Variants in SRBD1 observed in about 807,000 individuals in gnomAD.
SRBD1 encodes the protein S1 RNA binding domain 1.
Under a neutral mutation model 115.3 loss-of-function variants are expected in SRBD1, and 88 were observed. The observed-to-expected ratio is 0.76, with a 90% confidence interval of 0.64 to 0.91. The LOEUF is 0.91. Among genes scored for constraint, SRBD1 ranks in the 40% least tolerant of loss-of-function variants. The pLI is 0.00. For synonymous variants in SRBD1, 509 were observed against 407.7 expected (o/e 1.25, Z -2.99); for missense variants, 1,385 against 1,177.4 (o/e 1.18, Z -2.58).
At chr2:45,501,861 G>T (rs974638891) in intron 14 of SRBD1, among the ~76,000 whole-genome samples, 5 of 152,180 alleles carry the variant, frequency 3.3e-5, no homozygotes, top group Non-Finnish European at 7.4e-5. Flanking sequence ...CCACCTCTGG[G>T]GGCAGGGCAC....
chr2:45,485,206 C>A (rs1670081160), intron 15 of SRBD1, among the ~76,000 whole-genome samples: 1 of 152,166 alleles, frequency 6.6e-6, no homozygotes, highest in African/African-American at 2.4e-5. Flanking sequence ...CACCATACTT[C>A]CAAAGTACTT....
At chr2:45,513,132 G>T (rs1331825625) in intron 14 of SRBD1, among the ~76,000 whole-genome samples, 3 of 152,000 alleles carry the variant, frequency 2.0e-5, no homozygotes, top group Non-Finnish European at 4.4e-5. Context: ...TTCCTTCCTG[G>T]CCCTAACAAT....
intron 16 of SRBD1, among the ~76,000 whole-genome samples, chr2:45,443,166 T>C (rs1668721624): frequency 6.6e-6 from 1 of 152,080 alleles, no homozygotes; most frequent in Non-Finnish European, 1.5e-5. Flanking sequence ...AGAAAATGGA[T>C]TTTAAAAAGA....
intron 16 of SRBD1, among the ~76,000 whole-genome samples, chr2:45,450,189 T>C (rs1035711504): frequency 6.6e-6 from 1 of 152,220 alleles, no homozygotes; most frequent in East Asian, 1.9e-4. Context: ...ATTTGAAAAA[T>C]TAAAGATTAT....
chr2:45,579,785 G>C, intron 7 of SRBD1, 90 bp downstream of exon 7: 2 of 1,379,262 alleles, frequency 1.5e-6, no homozygotes, highest in South Asian at 1.8e-5. Context: ...TGTATAATCA[G>C]TACTTAACAA....
At chr2:45,549,271 C>T (rs1036038964) in intron 12 of SRBD1, among the ~76,000 whole-genome samples, 3 of 143,612 alleles carry the variant, frequency 2.1e-5, no homozygotes, top group Non-Finnish European at 4.6e-5. Flanking sequence ...ATTCCAGAAA[C>T]TATAAACTAT....
intron 20 of SRBD1, among the ~76,000 whole-genome samples, chr2:45,391,032 G>C (rs1047844889): frequency 1.3e-5 from 2 of 152,184 alleles, no homozygotes; most frequent in African/African-American, 4.8e-5. Flanking sequence ...GGGTCTCCGA[G>C]ACCCCATAGG....
chr2:45,408,326 T>C (rs2216506), intron 19 of SRBD1, among the ~76,000 whole-genome samples: 121,492 of 152,148 alleles, frequency 0.8, 49,292 homozygotes, highest in African/African-American at 0.92. Context: ...ATGGGGATGG[T>C]AAGATAAATT....
chr2:45,457,823 C>G (rs1256627253), intron 16 of SRBD1, among the ~76,000 whole-genome samples: 1 of 151,818 alleles, frequency 6.6e-6, no homozygotes, highest in Non-Finnish European at 1.5e-5. Context: ...TTTTCAAGGA[C>G]TTATGCTTTT....
At position 45,562,257 on chromosome 2, in the gene SRBD1, T is replaced by C. The variant is rs538079597; in HGVS notation, c.1409+396A>G. Among the ~76,000 whole-genome samples the C allele has an allele frequency of 1.4e-4, 22 of 152,326 alleles. 1 individual carries two copies. Among genetic ancestry groups the C allele is most frequent in the African/African-American group, 4.6e-4 (19 of 41,566 alleles). Reference sequence around the variant, plus strand: ...TTGTTTGTTTTCTTGAGATGGAGTCTTGCTCTGTCGCCCAGGCTGGAGTGC... The same window carrying C: ...TTGTTTGTTTTCTTGAGATGGAGTCCTGCTCTGTCGCCCAGGCTGGAGTGC... On this transcript the variant is annotated intron_variant, in intron 10 of 20. Coordinates refer to ENST00000263736, the MANE Select transcript of SRBD1 (RefSeq NM_018079.5).
chr2:45,495,602 T>C (rs1670432703), intron 14 of SRBD1, among the ~76,000 whole-genome samples: 1 of 151,994 alleles, frequency 6.6e-6, no homozygotes, highest in Non-Finnish European at 1.5e-5. Context: ...TATTTAATGG[T>C]ACCACTAAGG....
At chr2:45,596,010 A>G (rs943107653) in intron 4 of SRBD1, among the ~76,000 whole-genome samples, 2 of 152,200 alleles carry the variant, frequency 1.3e-5, no homozygotes, top group Non-Finnish European at 2.9e-5. Context: ...AGAGGAAAAA[A>G]AAATTGCTTG....
intron 5 of SRBD1, 108 bp from the exon 6 acceptor site, chr2:45,581,918 T>C (rs1229082272): frequency 2.5e-6 from 2 of 804,608 alleles, no homozygotes; most frequent in Non-Finnish European, 4.2e-6. Context: ...AGGAACTTTA[T>C]TGTCTCTGAA....
At chr2:45,457,460 G>A (rs1669189035) in intron 16 of SRBD1, among the ~76,000 whole-genome samples, 1 of 151,918 alleles carries the variant, frequency 6.6e-6, no homozygotes, top group African/African-American at 2.4e-5. Flanking sequence ...CTGTGCATAT[G>A]AAAATATTCA....
chr2:45,585,612 G>A lies in SRBD1; in HGVS notation c.811C>T (p.Leu271=). The A allele has an allele frequency of 6.2e-7, 1 of 1,607,534 alleles. No individual in the cohort carries two copies. The highest frequency in any genetic ancestry group is 1.3e-5 in the African/African-American group (1 of 74,454). Residue 271 remains leucine (L), a synonymous_variant, in exon 5 of 21, where the codon CTA becomes TTA. Coordinates refer to ENST00000263736, the MANE Select transcript of SRBD1 (RefSeq NM_018079.5). ...LREVQQTLEE[L]RAVAKKVHST... ...ATTCTTTTTTAGGTTTCTTACCGTAGCTCTTCTAGGGTTTGCTGAACTTCT... is the reference window on the plus strand; with the variant it reads ...ATTCTTTTTTAGGTTTCTTACCGTAACTCTTCTAGGGTTTGCTGAACTTCT...
chr2:45,391,067 T>C (rs1666984310), intron 20 of SRBD1, among the ~76,000 whole-genome samples: 1 of 152,202 alleles, frequency 6.6e-6, no homozygotes, highest in African/African-American at 2.4e-5. Flanking sequence ...TTGGAAATTC[T>C]TTCTCTCTCT....
chr2:45,520,747 G>A (rs1671258028), intron 14 of SRBD1, among the ~76,000 whole-genome samples: 1 of 152,128 alleles, frequency 6.6e-6, no homozygotes, highest in South Asian at 2.1e-4. Context: ...AGAAGAATCA[G>A]CCACTGTACA....
At chr2:45,511,993 A>G (rs1055038097) in intron 14 of SRBD1, among the ~76,000 whole-genome samples, 4 of 152,202 alleles carry the variant, frequency 2.6e-5, no homozygotes, top group South Asian at 2.1e-4. Flanking sequence ...GCCCTTTGAG[A>G]CACACAGCAT....
chr2:45,584,291 C>G (rs1673450424), intron 5 of SRBD1, among the ~76,000 whole-genome samples: 1 of 152,260 alleles, frequency 6.6e-6, no homozygotes, highest in South Asian at 2.1e-4. Context: ...CCCTCTTAGA[C>G]AGGGTTTGTA....
Sources: gnomAD v4.1 joint callset for allele counts (sites outside exome capture counted in the v4.1 genomes callset) on GRCh38, gnomAD v4.1.1 for gene constraint, MANE v1.5 for transcripts, NCBI Gene and HGNC (gene_info 2026-07-23, HGNC 2026-07-21) for gene names.